The following ADGRL3 variants were observed in gnomAD, a reference collection of about 807,000 sequenced individuals.
The protein encoded by ADGRL3 is calcium-independent alpha-latrotoxin receptor 3.
In ADGRL3, 62 loss-of-function variants were observed where a neutral mutation model predicts 153.5. The observed-to-expected ratio is 0.40, with a 90% CI of 0.33 to 0.50. The LOEUF (loss-of-function observed/expected upper bound fraction) is 0.50. ADGRL3 is among the 20% of genes least tolerant of loss of function. ADGRL3 has a pLI of 0.47. For missense variants in ADGRL3, 1,641 were observed against 1,859.4 expected (o/e 0.88, Z 2.16); for synonymous variants, 710 against 672.5 (o/e 1.06, Z -0.86).
At chr4:61,439,304 G>C (rs953805514) in intron 2 of ADGRL3, among the ~76,000 whole-genome samples, 4 of 152,102 alleles carry the variant, frequency 2.6e-5, no homozygotes, top group African/African-American at 7.2e-5. Context: ...ATGGGGGCTT[G>C]AAAGACAATA....
At chr4:61,621,981 A>T (rs2092551107) in intron 5 of ADGRL3, among the ~76,000 whole-genome samples, 1 of 152,130 alleles carries the variant, frequency 6.6e-6, no homozygotes, top group African/African-American at 2.4e-5. Flanking sequence ...AGACAGTTAG[A>T]CTGCAGTAAT....
intron 5 of ADGRL3, among the ~76,000 whole-genome samples, chr4:61,670,455 A>C (rs1223358899): frequency 6.6e-6 from 1 of 152,132 alleles, no homozygotes; most frequent in East Asian, 1.9e-4. Flanking sequence ...GTTATAATCG[A>C]ACATGAGATA....
At chr4:61,690,464 C>T (rs1004612018) in intron 6 of ADGRL3, among the ~76,000 whole-genome samples, 6 of 151,532 alleles carry the variant, frequency 4.0e-5, no homozygotes, top group Non-Finnish European at 8.8e-5. Flanking sequence ...AGTTAAAAAA[C>T]AATCAAAGGA....
intron 2 of ADGRL3, among the ~76,000 whole-genome samples, chr4:61,489,755 A>G (rs1168174758): frequency 6.6e-6 from 1 of 152,038 alleles, no homozygotes; most frequent in East Asian, 1.9e-4. Flanking sequence ...CTCATATCAA[A>G]CCAAAGATAT....
intron 19 of ADGRL3, 129 bp downstream of exon 19, chr4:61,983,732 T>C: frequency 1.3e-6 from 1 of 759,940 alleles, no homozygotes; most frequent in Non-Finnish European, 2.1e-6. Context: ...ATTCAATCCA[T>C]GGTTATACTT....
chr4:61,510,970 A>C (rs1171722385), intron 3 of ADGRL3, among the ~76,000 whole-genome samples: 5 of 152,026 alleles, frequency 3.3e-5, no homozygotes, highest in Non-Finnish European at 7.4e-5. Flanking sequence ...CCTCGTAGAG[A>C]TCTTTTCACC....
intron 1 of ADGRL3, among the ~76,000 whole-genome samples, chr4:61,268,194 A>T (rs771493092): frequency 2.4e-4 from 36 of 151,624 alleles, no homozygotes; most frequent in Non-Finnish European, 2.1e-4. Context: ...ACTTGGGGGG[A>T]AATTTCTGTC....
At chr4:61,755,916 G>C (rs1230521355) in intron 8 of ADGRL3, among the ~76,000 whole-genome samples, 1 of 152,118 alleles carries the variant, frequency 6.6e-6, no homozygotes, top group Non-Finnish European at 1.5e-5. Context: ...GTTTGTCAGA[G>C]ATCAGATGGT....
rs1305608106 is a variant in ADGRL3 at position 61,803,217 on chromosome 4, G to GA, written c.1400-10586dup. ...TTGATTTTTCATACAGGAGTTATGT[G>GA]AAAAAATTATTTGAGCCTTTGTTTA... On this transcript the variant is annotated intron_variant, in intron 8 of 26. Coordinates refer to ENST00000683033, the MANE Select transcript of ADGRL3 (RefSeq NM_001387552.1). Among the ~76,000 whole-genome samples the GA allele has an allele frequency of 2.6e-5, 4 of 152,074 alleles. 1 individual carries two copies. Among genetic ancestry groups the GA allele is most frequent in the Admixed American group, 1.3e-4 (2 of 15,280 alleles).
chr4:61,387,508 A>T (rs1291089077), intron 2 of ADGRL3, among the ~76,000 whole-genome samples: 1 of 152,090 alleles, frequency 6.6e-6, no homozygotes, highest in Non-Finnish European at 1.5e-5. Flanking sequence ...ACCACGCCCC[A>T]GGGGGACCAG....
At chr4:61,535,255 T>C (rs2098648405) in intron 4 of ADGRL3, among the ~76,000 whole-genome samples, 1 of 152,110 alleles carries the variant, frequency 6.6e-6, no homozygotes, top group South Asian at 2.1e-4. Flanking sequence ...CTGAATTGTG[T>C]ATGTCTAACC....
At chr4:61,463,386 C>A (rs1018372192) in intron 2 of ADGRL3, among the ~76,000 whole-genome samples, 1 of 152,134 alleles carries the variant, frequency 6.6e-6, no homozygotes, top group African/African-American at 2.4e-5. Flanking sequence ...GCAAGCACAT[C>A]TTCACATGGC....
At chr4:61,833,427 C>T (rs768076093) in intron 9 of ADGRL3, among the ~76,000 whole-genome samples, 12 of 152,056 alleles carry the variant, frequency 7.9e-5, no homozygotes, top group East Asian at 1.9e-4. Context: ...TCAGTCTCCC[C>T]GAGCATTCAG....
At chr4:61,678,865 A>T (rs569173496) in intron 6 of ADGRL3, among the ~76,000 whole-genome samples, 1 of 152,216 alleles carries the variant, frequency 6.6e-6, no homozygotes, top group East Asian at 1.9e-4. Context: ...GAATTCATTT[A>T]ATAAATTTAA....
chr4:61,226,837 C>T (rs1014671903), intron 1 of ADGRL3, among the ~76,000 whole-genome samples: 60 of 151,952 alleles, frequency 3.9e-4, no homozygotes, highest in Admixed American at 2.0e-3. Context: ...AAAATCCAAC[C>T]CTTTGCTACT....
At chr4:61,806,036 T>C (rs999484247) in intron 8 of ADGRL3, among the ~76,000 whole-genome samples, 1 of 152,216 alleles carries the variant, frequency 6.6e-6, no homozygotes, top group Non-Finnish European at 1.5e-5. Context: ...AATTTTAACA[T>C]TTGCCTTACT....
chr4:61,797,895 C>T (rs905686552), intron 8 of ADGRL3, among the ~76,000 whole-genome samples: 4 of 152,082 alleles, frequency 2.6e-5, no homozygotes, highest in African/African-American at 9.7e-5. Context: ...TATTGTCATA[C>T]TTGTTAGCGA....
At chr4:61,462,249 A>G (rs892869264) in intron 2 of ADGRL3, among the ~76,000 whole-genome samples, 4 of 152,204 alleles carry the variant, frequency 2.6e-5, no homozygotes, top group African/African-American at 9.7e-5. Flanking sequence ...GGATCCACTA[A>G]TCTCTTACTT....
chr4:61,801,452 T>A (rs1469847777), intron 8 of ADGRL3, among the ~76,000 whole-genome samples: 1 of 152,096 alleles, frequency 6.6e-6, no homozygotes, highest in East Asian at 1.9e-4. Context: ...TTGTTCAGCC[T>A]GTTTTTAAAA....
Sources: gnomAD v4.1 joint callset for allele counts (sites outside exome capture counted in the v4.1 genomes callset) on GRCh38, gnomAD v4.1.1 for gene constraint, MANE v1.5 for transcripts, NCBI Gene and HGNC (gene_info 2026-07-23, HGNC 2026-07-21) for gene names.